Variants in GBF1 observed in about 807,000 individuals in gnomAD.
GBF1 encodes the protein golgi brefeldin A resistant guanine nucleotide exchange factor 1, also known as Golgi-specific brefeldin A-resistance guanine nucleotide exchange factor 1.
Under a neutral mutation model 210.5 loss-of-function variants are expected in GBF1, and 114 were observed. The ratio of observed to expected loss-of-function variants is 0.54; its 90% CI spans 0.47 to 0.63. The LOEUF (loss-of-function observed/expected upper bound fraction) is 0.63, where lower values mean the gene tolerates loss of function less well. GBF1 is among the 30% of genes least tolerant of loss of function. GBF1 has a pLI of 0.00. For synonymous variants in GBF1, 850 were observed against 889.2 expected (o/e 0.96, Z 0.78); for missense variants, 1,851 against 2,357.7 (o/e 0.79, Z 4.45).
intron 3 of GBF1, among the ~76,000 whole-genome samples, chr10:102,330,390 TATA>T (rs1418057609): frequency 6.6e-6 from 1 of 151,840 alleles, no homozygotes; most frequent in African/African-American, 2.4e-5. Flanking sequence ...TGTTTAATAA[TATA>T]ATGTAGCTGG....
chr10:102,244,151 CAAAAA>C (rs760449773), upstream of GBF1, among the ~76,000 whole-genome samples: 1 of 151,954 alleles, frequency 6.6e-6, no homozygotes, highest in East Asian at 1.9e-4. Context: ...AAACAAAAGA[CAAAAA>C]AACAAAACAA....
At chr10:102,314,935 A>G (rs557183637) in intron 3 of GBF1, among the ~76,000 whole-genome samples, 2 of 152,282 alleles carry the variant, frequency 1.3e-5, no homozygotes, top group East Asian at 3.9e-4. Flanking sequence ...CTCCAAATAC[A>G]GCCACCTCAA....
In GBF1 at chr10:102,354,192, A is replaced by G. The variant is rs914594455; in HGVS notation, c.639+538A>G. Among the ~76,000 whole-genome samples the G allele has an allele frequency of 2.6e-5, 4 of 152,114 alleles. No homozygotes were observed. The South Asian group carries it at 8.3e-4, about 32-fold the overall frequency. On this transcript the variant is annotated intron_variant, in intron 8 of 39. Transcript: ENST00000369983. ...CCCTGGACTTCACGGGCCTCTGATG[A>G]GGATTCCGCTTGCAGCCCTAAGAGG...
chr10:102,379,237 C>T (rs2060695729), intron 33 of GBF1, 47 bp from the exon 34 acceptor site: 4 of 1,579,370 alleles, frequency 2.5e-6, no homozygotes, highest in African/African-American at 2.7e-5. Flanking sequence ...GAAAGGGATC[C>T]ACGAGACCTA....
In GBF1 at chr10:102,359,615, C is replaced by T. The variant is rs77384803; in HGVS notation, c.1180+180C>T. ...CTGTTGGCATGGAGGGAGCCCTTCC[C>T]TAACTTATACTACAGGGAGGAAGTT... On this transcript the variant is annotated intron_variant, in intron 11 of 39. Transcript: ENST00000369983. Among the ~76,000 whole-genome samples the T allele has an allele frequency of 4.3e-4, 66 of 152,150 alleles. 1 individual carries two copies. The East Asian group carries it at 0.011, about 25-fold the overall frequency.
At chr10:102,333,131 G>C (rs1209133320) in intron 3 of GBF1, among the ~76,000 whole-genome samples, 1 of 152,188 alleles carries the variant, frequency 6.6e-6, no homozygotes, top group Non-Finnish European at 1.5e-5. Context: ...CTATGGCCCA[G>C]AGAAATGAGG....
At chr10:102,238,612 G>T in the GBF1 span, among the ~76,000 whole-genome samples, 1 of 152,188 alleles carries the variant, frequency 6.6e-6, no homozygotes, top group African/African-American at 2.4e-5. Flanking sequence ...TCTGCAGCTT[G>T]GGCATAATAA....
At chr10:102,309,605 C>A (rs1349663557) in intron 3 of GBF1, among the ~76,000 whole-genome samples, 1 of 152,144 alleles carries the variant, frequency 6.6e-6, no homozygotes, top group Non-Finnish European at 1.5e-5. Flanking sequence ...GTTCACCTCC[C>A]ATAGCTGATG....
chr10:102,326,522 T>A (rs1489978945), intron 3 of GBF1, among the ~76,000 whole-genome samples: 1 of 152,172 alleles, frequency 6.6e-6, no homozygotes, highest in Non-Finnish European at 1.5e-5. Flanking sequence ...GCTTTCCTTT[T>A]TTTTCAACTT....
chr10:102,242,108 C>A (rs553544578), upstream of GBF1, among the ~76,000 whole-genome samples: 5 of 152,228 alleles, frequency 3.3e-5, no homozygotes, highest in Non-Finnish European at 5.9e-5. Flanking sequence ...TTAAAAGACT[C>A]ATTTCTCTTT....
At chr10:102,259,071 T>G in intron 2 of GBF1, 37 bp downstream of exon 2, 1 of 1,012,366 alleles carries the variant, frequency 9.9e-7, no homozygotes, top group Non-Finnish European at 1.6e-6. Flanking sequence ...GGTCACTAAG[T>G]TTTTATAGGG....
chr10:102,328,274 C>T (rs1007268710), intron 3 of GBF1, among the ~76,000 whole-genome samples: 1 of 152,200 alleles, frequency 6.6e-6, no homozygotes, highest in Non-Finnish European at 1.5e-5. Flanking sequence ...AGGAGGATCA[C>T]TTGAACCCAG....
chr10:102,231,779 C>G, the GBF1 span: 1 of 1,603,052 alleles, frequency 6.2e-7, no homozygotes, highest in East Asian at 2.2e-5. Flanking sequence ...GAAGCCGAGG[C>G]CTTTTCTGAG....
At position 102,379,583 on chromosome 10, in the gene GBF1, C is replaced by T; in HGVS notation, c.4708C>T (p.Gln1570Ter). Residue 1570 changes from glutamine (Q) to a stop codon, truncating the protein, a stop_gained, in exon 35 of 40, where the codon CAG (glutamine) becomes TAG (stop). Coordinates refer to ENST00000369983, the MANE Select transcript of GBF1 (RefSeq NM_001377137.1). LOFTEE classifies it high-confidence loss of function. Reference sequence around the variant, plus strand: ...ACGGATGCAGGCACTGACCTATCTGCAGCGAGCACTACTTGTACATGATCT... The same window carrying T: ...ACGGATGCAGGCACTGACCTATCTGTAGCGAGCACTACTTGTACATGATCT... ...QVRMQALTYLQRALLVHDLQK... is the reference protein window; with the variant it reads ...QVRMQALTYL The T allele has an allele frequency of 6.2e-7, 1 of 1,614,104 alleles. No individual in the cohort carries two copies. Among genetic ancestry groups the T allele is most frequent in the Non-Finnish European group, 8.5e-7 (1 of 1,179,970 alleles).
intron 1 of GBF1, among the ~76,000 whole-genome samples, chr10:102,249,422 G>A (rs1590441257): frequency 6.6e-6 from 1 of 152,170 alleles, no homozygotes; most frequent in Non-Finnish European, 1.5e-5. Flanking sequence ...AATCTCCACA[G>A]GGGGAGGAGA....
At chr10:102,373,481 TG>T (rs750591462) in intron 29 of GBF1, among the ~76,000 whole-genome samples, 6 of 152,146 alleles carry the variant, frequency 3.9e-5, no homozygotes, top group Non-Finnish European at 7.4e-5. Context: ...GAGATTGAGG[TG>T]GGAGGATCGC....
intron 4 of GBF1, among the ~76,000 whole-genome samples, chr10:102,349,449 T>A (rs2134723693): frequency 6.6e-6 from 1 of 152,250 alleles, no homozygotes; most frequent in East Asian, 1.9e-4. Context: ...GGAGAATTGC[T>A]TGAACCCAGG....
chr10:102,370,886 G>A (rs139037166), intron 29 of GBF1, 26 bp downstream of exon 29: 2 of 1,609,590 alleles, frequency 1.2e-6, no homozygotes, highest in East Asian at 2.2e-5. Context: ...CTTGGAGAGT[G>A]GGCAGGTATG....
chr10:102,377,994 T>A (rs10883721), intron 33 of GBF1, among the ~76,000 whole-genome samples: 1 of 151,670 alleles, frequency 6.6e-6, no homozygotes, highest in Middle Eastern at 3.4e-3. Context: ...CCGAGGCGGG[T>A]GGATCATGAG....
Sources: gnomAD v4.1 joint callset for allele counts (sites outside exome capture counted in the v4.1 genomes callset) on GRCh38, gnomAD v4.1.1 for gene constraint, MANE v1.5 for transcripts, NCBI Gene and HGNC (gene_info 2026-07-23, HGNC 2026-07-21) for gene names.